ZNF540: variants seen among roughly 807,000 people sequenced by gnomAD.
The protein encoded by ZNF540 is zinc finger protein 540, also known as CTD-3064H18.6.
Under a neutral mutation model 11.8 loss-of-function variants are expected in ZNF540, and 3 were observed. The ratio of observed to expected loss-of-function variants is 0.25; its 90% CI spans 0.12 to 0.65. ZNF540 has a LOEUF of 0.65. ZNF540 is among the 30% of genes least tolerant of loss of function. ZNF540 has a pLI of 0.83. For missense variants in ZNF540, 709 were observed against 793.1 expected, an observed-to-expected ratio of 0.89 and a Z score of 1.27; for synonymous variants, 247 against 259.0, an observed-to-expected ratio of 0.95 and a Z score of 0.45.
intron 1 of ZNF540, chr19:37,566,255 G>A: frequency 6.2e-7 from 1 of 1,612,912 alleles, no homozygotes; most frequent in Non-Finnish European, 8.5e-7. Context: ...TTCCTTTTCT[G>A]GAGATAACTT....
chr19:37,565,819 G>A (rs2147151020), intron 1 of ZNF540: 1 of 1,613,672 alleles, frequency 6.2e-7, no homozygotes, highest in Non-Finnish European at 8.5e-7. Flanking sequence ...TACGACCAAA[G>A]GCCTTTCCAC....
At chr19:37,561,775 T>G (rs1053249349) in intron 1 of ZNF540, among the ~76,000 whole-genome samples, 1 of 152,250 alleles carries the variant, frequency 6.6e-6, no homozygotes, top group Admixed American at 6.5e-5. Flanking sequence ...CACCTAACAG[T>G]CTACTGACAT....
chr19:37,583,301 C>G (rs573548886), intron 1 of ZNF540, among the ~76,000 whole-genome samples: 5 of 152,244 alleles, frequency 3.3e-5, no homozygotes, highest in African/African-American at 1.2e-4. Flanking sequence ...AAAGAGCAAC[C>G]AGGAAAAACG....
intron 1 of ZNF540, among the ~76,000 whole-genome samples, chr19:37,557,874 G>A (rs2042677247): frequency 6.6e-6 from 1 of 151,860 alleles, no homozygotes; most frequent in Non-Finnish European, 1.5e-5. Context: ...TCTTGGACTA[G>A]GCTTGCTGTA....
chr19:37,599,178 CGATA>C (rs10550158), intron 2 of ZNF540, among the ~76,000 whole-genome samples: 38,853 of 151,088 alleles, frequency 0.26, 6,113 homozygotes, highest in Non-Finnish European at 0.36. Flanking sequence ...ATCGATTGAT[CGATA>C]GATAGATAGA....
Position 37,612,425 on chromosome 19 carries a change from C to T in ZNF540, c.1145C>T (p.Pro382Leu). 6.2e-7 allele frequency: 1 copy of T among 1,613,948 alleles called. No homozygotes were observed. The change falls in exon 5 of 5, where the codon CCT becomes CTT. Residue 382 changes from proline (P) to leucine (L), a missense_variant. Transcript: ENST00000316433. ...EHRRTHAGKKPYECKECGKSF... is the reference protein window; with the variant it reads ...EHRRTHAGKKLYECKECGKSF... ...AGAAGAACTCATGCAGGTAAGAAAC[C>T]TTATGAATGTAAGGAGTGTGGGAAA...
At chr19:37,604,046 A>T (rs1238105892) in intron 4 of ZNF540, among the ~76,000 whole-genome samples, 1 of 147,940 alleles carries the variant, frequency 6.8e-6, no homozygotes, top group Admixed American at 6.8e-5. Flanking sequence ...GGATAAGATA[A>T]CTTTTCTTTT....
intron 1 of ZNF540, among the ~76,000 whole-genome samples, chr19:37,561,118 A>G (rs571907657): frequency 3.7e-4 from 56 of 151,620 alleles, no homozygotes; most frequent in African/African-American, 1.3e-3. Context: ...GTGCACACCT[A>G]TAGTCCCAGC....
intron 1 of ZNF540, among the ~76,000 whole-genome samples, chr19:37,574,760 A>C (rs182517110): frequency 3.3e-5 from 5 of 152,276 alleles, no homozygotes; most frequent in Admixed American, 6.5e-5. Context: ...CCATCTCCTA[A>C]TGAAAGTATT....
chr19:37,611,473 C>T, intron 4 of ZNF540, 40 bp from the exon 5 acceptor site: 3 of 1,499,304 alleles, frequency 2.0e-6, no homozygotes, highest in Non-Finnish European at 2.7e-6. Context: ...ATGCTGGCTA[C>T]AGGAAAATAA....
At chr19:37,580,462 C>T (rs115618001) in intron 1 of ZNF540, among the ~76,000 whole-genome samples, 2,096 of 152,316 alleles carry the variant, frequency 0.014, 44 homozygotes, top group African/African-American at 0.047. Flanking sequence ...ATCAGGCATG[C>T]CATGACAATA....
At chr19:37,578,479 G>C (rs911037167) in intron 1 of ZNF540, among the ~76,000 whole-genome samples, 1 of 152,184 alleles carries the variant, frequency 6.6e-6, no homozygotes, top group African/African-American at 2.4e-5. Context: ...GCCACCTAGA[G>C]TTTTTGCAGA....
chr19:37,588,615 C>A (rs552618133), intron 1 of ZNF540, among the ~76,000 whole-genome samples: 3 of 152,198 alleles, frequency 2.0e-5, no homozygotes, highest in Non-Finnish European at 4.4e-5. Context: ...GTATCCTGCT[C>A]ACTACCTGGG....
intron 1 of ZNF540, chr19:37,565,546 A>G: frequency 6.2e-7 from 1 of 1,613,748 alleles, no homozygotes; most frequent in South Asian, 1.1e-5. Context: ...GATGGTAAGT[A>G]AGTTGAGAGC....
At chr19:37,565,011 G>C in intron 1 of ZNF540, 1 of 1,613,704 alleles carries the variant, frequency 6.2e-7, no homozygotes, top group Non-Finnish European at 8.5e-7. Flanking sequence ...CATTCATAAT[G>C]TTTCTCACCA....
At position 37,565,323 on chromosome 19, in the gene ZNF540, C is replaced by T. The variant is rs748619610; in HGVS notation, c.-73+13658C>T. 22 of 1,612,156 alleles carry T rather than the reference C, an allele frequency of 1.4e-5. No individual in the cohort carries two copies. The highest frequency in any genetic ancestry group is 6.6e-5 in the South Asian group (6 of 90,768). On this transcript the variant is annotated intron_variant, in intron 1 of 4. Transcript: ENST00000592533. ...TGTGAGCCACGAAAAAAGGTCTTCC[C>T]GCATTCTTTACATTCATAGGGTTTC...
At chr19:37,589,242 A>C (rs191579035) in intron 1 of ZNF540, among the ~76,000 whole-genome samples, 17 of 152,054 alleles carry the variant, frequency 1.1e-4, no homozygotes, top group African/African-American at 4.1e-4. Flanking sequence ...GCTAGAAGGA[A>C]AAACAGACTG....
Position 37,613,017 on chromosome 19 carries a change from C to G in ZNF540, c.1737C>G (p.Tyr579Ter). The G allele has an allele frequency of 6.2e-7, 1 of 1,614,008 alleles. No homozygotes were observed. The change falls in exon 5 of 5, where the codon TAC becomes TAG. Residue 579 changes from tyrosine (Y) to a stop codon, truncating the protein, a stop_gained. Transcript: ENST00000316433. LOFTEE classifies it low-confidence loss of function (END_TRUNC). ...AAATTCATACGGGTGTAAAACCATA[C>G]AAATGTAAAGAATGTGGGAAGGCCT... ...HQKIHTGVKP[Y>*]KCKECGKAFS...
chr19:37,611,792 G>A lies in ZNF540; in HGVS notation c.512G>A (p.Cys171Tyr), dbSNP rs761652817. The part of the protein sequence containing the change: ...NQRIHNSEKS[C>Y]DSHLVQHGKI... ...AGAATTCACAATAGTGAGAAAAGCT[G>A]TGACTCACACTTGGTTCAACATGGG... Residue 171 changes from cysteine to tyrosine, a missense_variant, in exon 5 of 5, where the codon TGT becomes TAT. Coordinates refer to ENST00000316433, the MANE Select transcript of ZNF540 (RefSeq NM_001172225.3). The A allele has an allele frequency of 6.2e-7, 1 of 1,613,994 alleles. No individual in the cohort carries two copies. The highest frequency in any genetic ancestry group is 1.7e-5 in the Admixed American group (1 of 60,024).
Sources: allele counts gnomAD v4.1 joint callset (sites outside exome capture counted in the v4.1 genomes callset), GRCh38; gene constraint gnomAD v4.1.1; transcripts MANE v1.5; gene names NCBI Gene and HGNC (gene_info 2026-07-23, HGNC 2026-07-21).